The following ZHX3 variants were observed in gnomAD, a reference collection of about 807,000 sequenced individuals.
The protein encoded by ZHX3 is zinc fingers and homeoboxes protein 3.
Under a neutral mutation model 64.5 loss-of-function variants are expected in ZHX3, and 20 were observed. The ratio of observed to expected loss-of-function variants is 0.31; its 90% CI spans 0.22 to 0.45. ZHX3 has a LOEUF of 0.45. Ranked by LOEUF, ZHX3 falls within the 20% of genes least tolerant of loss-of-function variation. ZHX3 has a pLI of 1.00. For synonymous variants in ZHX3, 423 were observed against 461.6 expected (o/e 0.92, Z 1.07); for missense variants, 1,041 against 1,195.8 (o/e 0.87, Z 1.91).
At chr20:41,288,303 A>G (rs2044041317) in intron 1 of ZHX3, among the ~76,000 whole-genome samples, 1 of 152,172 alleles carries the variant, frequency 6.6e-6, no homozygotes, top group Non-Finnish European at 1.5e-5. Context: ...TACAGGTGTG[A>G]GCCACCGTTC....
At chr20:41,279,767 A>G (rs1369262322) in intron 1 of ZHX3, among the ~76,000 whole-genome samples, 1 of 152,234 alleles carries the variant, frequency 6.6e-6, no homozygotes, top group Non-Finnish European at 1.5e-5. Flanking sequence ...TGACTGAATG[A>G]CAGCAATACT....
In ZHX3 at chr20:41,181,570, GAGCATCCACAC is replaced by G. The variant is rs1038578132; in HGVS notation, c.*3610_*3620del. 6.6e-6 allele frequency: 1 copy of G among 152,188 alleles called. No homozygotes were observed. The allele number at this position is 152,188 out of a possible 1,614,324, so 9.4% of individuals were successfully genotyped here. On this transcript the variant is annotated 3_prime_UTR_variant, in exon 4 of 4. Transcript: ENST00000683867. ...CAAGAGACCACGAGGCTCAAGCAGA[GAGCATCCACAC>G]AGCATCCAACCAGAAAGGCCAGTGT...
At chr20:41,221,524 G>C (rs1003916741) in intron 2 of ZHX3, among the ~76,000 whole-genome samples, 1 of 152,172 alleles carries the variant, frequency 6.6e-6, no homozygotes, top group Non-Finnish European at 1.5e-5. Flanking sequence ...AAAAAAAATA[G>C]ATAGAAATCT....
chr20:41,298,237 C>A (rs1005737212), intron 1 of ZHX3, among the ~76,000 whole-genome samples: 3 of 152,214 alleles, frequency 2.0e-5, no homozygotes, highest in Non-Finnish European at 4.4e-5. Flanking sequence ...ACATGTGAAA[C>A]ATGGAGCATG....
Position 41,204,984 on chromosome 20 carries a change from A to T in ZHX3, c.-68T>A. On this transcript the variant is annotated 5_prime_UTR_variant, in exon 3 of 4. Transcript: ENST00000683867. This position sits in a 1 kb window ranked among gnomAD's most constrained non-coding sequence, Gnocchi z 6.6. ...TAAGGGGCCTAACAATACAAGTTCCAGCTTCTCGATGAGGGCCAAAGAAAC... is the reference window on the plus strand; with the variant it reads ...TAAGGGGCCTAACAATACAAGTTCCTGCTTCTCGATGAGGGCCAAAGAAAC... The T allele has an allele frequency of 6.9e-6, 10 of 1,452,164 alleles. No individual in the cohort carries two copies. Among genetic ancestry groups the T allele is most frequent in the Non-Finnish European group, 9.1e-6 (10 of 1,101,346 alleles). 90.0% of individuals were successfully genotyped at this position (1,452,164 alleles called of 1,614,324 possible).
chr20:41,258,998 TA>T (rs140387774), intron 2 of ZHX3, among the ~76,000 whole-genome samples: 3 of 151,650 alleles, frequency 2.0e-5, no homozygotes, highest in Admixed American at 1.3e-4. Flanking sequence ...TTCTGCTTAT[TA>T]AAAAAAAACC....
chr20:41,263,491 T>C (rs2042667871), intron 2 of ZHX3, among the ~76,000 whole-genome samples: 1 of 149,624 alleles, frequency 6.7e-6, no homozygotes. Context: ...GCCTCCCGGG[T>C]TCAAGCAATT....
rs1239886011 is a variant in ZHX3 at position 41,201,439 on chromosome 20, TAAATAA to T, written c.2860+612_2860+617del. 3 of 1,210,154 alleles carry T rather than the reference TAAATAA, an allele frequency of 2.5e-6. No individual in the cohort carries two copies. Among genetic ancestry groups the T allele is most frequent in the Non-Finnish European group, 3.3e-6 (3 of 906,412 alleles). 75.0% of individuals were successfully genotyped at this position (1,210,154 alleles called of 1,614,324 possible). A position where few individuals can be genotyped will look rare whatever the true frequency, so the allele number is the denominator to read the frequency against. ...TGTCTGTGGCTTCAAAACTATGTCT[TAAATAA>T]AAATAATCTTCTATGATACATTTTG... is the stretch of plus-strand genomic sequence containing the variant. On this transcript the variant is annotated intron_variant, in intron 3 of 3. Coordinates refer to ENST00000683867, the MANE Select transcript of ZHX3 (RefSeq NM_001384317.1). This position sits in a 1 kb window ranked among gnomAD's most constrained non-coding sequence, Gnocchi z 5.0.
At chr20:41,301,652 G>GCA (rs2044810915) in intron 1 of ZHX3, among the ~76,000 whole-genome samples, 1 of 152,060 alleles carries the variant, frequency 6.6e-6, no homozygotes, top group Non-Finnish European at 1.5e-5. Flanking sequence ...CACAGGTCCT[G>GCA]CCTCACCCTT....
intron 1 of ZHX3, among the ~76,000 whole-genome samples, chr20:41,289,676 C>T (rs529610718): frequency 2.6e-5 from 4 of 151,788 alleles, no homozygotes; most frequent in Admixed American, 6.6e-5. Flanking sequence ...GCAGCTTTAA[C>T]AATGTTATTT....
In ZHX3 at chr20:41,186,362, T is replaced by C. The variant is rs183597228; in HGVS notation, c.2861-1161A>G. 5.1e-4 allele frequency among the ~76,000 whole-genome samples: 77 copies of C among 152,372 alleles called. 1 individual carries two copies. The highest frequency in any genetic ancestry group is 4.8e-3 in the East Asian group (25 of 5,196). ...ATTCCTTTTTTGGCTGAATAATATCTTACTGTATGTACACACACATTTTCT... is the reference window on the plus strand; with the variant it reads ...ATTCCTTTTTTGGCTGAATAATATCCTACTGTATGTACACACACATTTTCT... On this transcript the variant is annotated intron_variant, in intron 3 of 3. Transcript: ENST00000683867.
chr20:41,241,317 T>C (rs1311836053), intron 2 of ZHX3, among the ~76,000 whole-genome samples: 2 of 152,342 alleles, frequency 1.3e-5, no homozygotes, highest in Admixed American at 6.5e-5. Context: ...TTCTGAGAAA[T>C]GTCTATTCAA....
At position 41,201,257 on chromosome 20, in the gene ZHX3, C is replaced by T; in HGVS notation, c.2860+800G>A. ...TTGGAACCCCCAATCCCTTCAGCTT[C>T]TACAATACTCCGCCCTCCTGGCTCT... On this transcript the variant is annotated intron_variant, in intron 3 of 3. Coordinates refer to ENST00000683867, the MANE Select transcript of ZHX3 (RefSeq NM_001384317.1). This position sits in a 1 kb window ranked among gnomAD's most constrained non-coding sequence, Gnocchi z 5.0. 1 of 1,283,638 alleles carries T rather than the reference C, an allele frequency of 7.8e-7. No individual in the cohort carries two copies. Among genetic ancestry groups the T allele is most frequent in the Non-Finnish European group, 1.0e-6 (1 of 980,016 alleles). 79.5% of individuals were successfully genotyped at this position (1,283,638 alleles called of 1,614,324 possible). A position where few individuals can be genotyped will look rare whatever the true frequency, so the allele number is the denominator to read the frequency against.
intron 2 of ZHX3, among the ~76,000 whole-genome samples, chr20:41,222,102 G>A (rs2039982764): frequency 1.3e-5 from 2 of 152,262 alleles, no homozygotes; most frequent in Non-Finnish European, 2.9e-5. Flanking sequence ...CAGTGGAGAA[G>A]TAGGGAAACT....
At chr20:41,267,274 G>C (rs1426906059) in intron 2 of ZHX3, among the ~76,000 whole-genome samples, 1 of 116,848 alleles carries the variant, frequency 8.6e-6, no homozygotes. Flanking sequence ...TTACCTTCTA[G>C]ATCAAAGAGC....
chr20:41,185,466 T>C lies in ZHX3; in HGVS notation c.2861-265A>G, dbSNP rs2036440709. 1.7e-6 allele frequency: 1 copy of C among 573,074 alleles called. No individual in the cohort carries two copies. The highest frequency in any genetic ancestry group is 3.3e-5 in the Admixed American group (1 of 30,398). 35.5% of individuals were successfully genotyped at this position (573,074 alleles called of 1,614,324 possible). Reference sequence around the variant, plus strand: ...ACCCTAGGCCTAGCAGCAGGAGCAGTGGTTTGGCCTCTCCAGGCCCACTAA... The same window carrying C: ...ACCCTAGGCCTAGCAGCAGGAGCAGCGGTTTGGCCTCTCCAGGCCCACTAA... On this transcript the variant is annotated intron_variant, in intron 3 of 3. Transcript: ENST00000683867. The surrounding 1 kb of genome is among the most constrained non-coding windows in gnomAD (Gnocchi z 5.0).
At chr20:41,313,367 G>A (rs367710685) in intron 1 of ZHX3, among the ~76,000 whole-genome samples, 5 of 152,068 alleles carry the variant, frequency 3.3e-5, no homozygotes, top group African/African-American at 1.2e-4. Context: ...CTGCATCCAG[G>A]GGGTTCTAGG....
rs1242507024 is a variant in ZHX3, at chr20:41,265,201, A to G, written c.-151+3789T>C. 2.1e-5 allele frequency among the ~76,000 whole-genome samples: 3 copies of G among 142,940 alleles called. No individual in the cohort carries two copies. In the East Asian group the frequency reaches 6.1e-4, roughly 29 times the overall value. 93.8% of individuals were successfully genotyped at this position (142,940 alleles called of 152,430 possible). A position where few individuals can be genotyped will look rare whatever the true frequency, so the allele number is the denominator to read the frequency against. The stretch of plus-strand genomic sequence containing the variant: ...GGAATCACTGAAGTCATTACGATAA[A>G]TTTTTTTTTTTTTTTTTTGAAACGG... On this transcript the variant is annotated intron_variant, in intron 2 of 3. Coordinates refer to ENST00000683867, the MANE Select transcript of ZHX3 (RefSeq NM_001384317.1).
chr20:41,239,916 G>T (rs1331910255), intron 2 of ZHX3, among the ~76,000 whole-genome samples: 1 of 152,120 alleles, frequency 6.6e-6, no homozygotes, highest in Non-Finnish European at 1.5e-5. Context: ...CCAAGGAGAA[G>T]AATGTCTTGG....
Sources: gnomAD v4.1 joint callset for allele counts (sites outside exome capture counted in the v4.1 genomes callset) on GRCh38, gnomAD v4.1.1 for gene constraint, Gnocchi (gnomAD v3.1) non-coding constraint, MANE v1.5 for transcripts, NCBI Gene and HGNC (gene_info 2026-07-23, HGNC 2026-07-21) for gene names.